Variants in ZNF790 observed in about 807,000 individuals in gnomAD.
ZNF790 encodes zinc finger protein 790.
A neutral mutation model predicts 12.1 loss-of-function variants in ZNF790; 8 were observed. That is an observed-to-expected ratio of 0.66 (90% CI 0.39 to 1.19). The LOEUF (loss-of-function observed/expected upper bound fraction) is 1.19. ZNF790 is among the 50% of genes most tolerant of loss of function. The probability of loss-of-function intolerance (pLI) is 0.01; values close to 1 mark genes in which losing one functional copy is unlikely to be tolerated. For synonymous variants in ZNF790, 252 were observed against 244.3 expected (o/e 1.03, Z -0.29); for missense variants, 707 against 752.2 (o/e 0.94, Z 0.70).
In ZNF790 at chr19:36,819,296, C is replaced by G. The variant is rs145064937; in HGVS notation, c.1048G>C (p.Gly350Arg). Residue 350 changes from glycine (G) to arginine (R), a missense_variant, in exon 5 of 5, where the codon GGA becomes CGA. Physicochemically the swap from Gly to Arg is moderately radical, Grantham distance 125. Transcript: ENST00000356725. Reference protein sequence around the residue: ...CKECGKAFTRGSHLTQHQRIH... With the variant: ...CKECGKAFTRRSHLTQHQRIH... ...CTCTGATGCTGAGTTAGGTGTGATC[C>G]ACGAGTAAAAGCTTTCCCACACTCC... The G allele has an allele frequency of 1.4e-4, 219 of 1,610,698 alleles. No homozygotes were observed. The African/African-American group carries it at 2.6e-3, about 19-fold the overall frequency.
chr19:36,831,668 A>G (rs1208425338), intron 1 of ZNF790, among the ~76,000 whole-genome samples: 1 of 152,234 alleles, frequency 6.6e-6, no homozygotes, highest in Admixed American at 6.5e-5. Flanking sequence ...ATTTGAAGAA[A>G]TGAAAATGAA....
rs866564260 is a variant in ZNF790, at chr19:36,827,117, T to C, written c.-73-1425A>G. ...GTGTGTGTGTGTATATATATACACATACACACACACACACACACACACACA... is the reference window on the plus strand; with the variant it reads ...GTGTGTGTGTGTATATATATACACACACACACACACACACACACACACACA... On this transcript the variant is annotated intron_variant, in intron 1 of 4. Coordinates refer to ENST00000356725, the MANE Select transcript of ZNF790 (RefSeq NM_206894.4). Among the ~76,000 whole-genome samples, 185 of 60,856 alleles carry C rather than the reference T, an allele frequency of 3.0e-3. 1 individual carries two copies. Among genetic ancestry groups the C allele is most frequent in the African/African-American group, 3.7e-3 (60 of 16,072 alleles). The allele number at this position is 60,856 out of a possible 152,430, so 39.9% of individuals were successfully genotyped here.
chr19:36,818,472 T>C lies in ZNF790; in HGVS notation c.1872A>G (p.Lys624=), dbSNP rs765729614. Residue 624 remains lysine, a synonymous_variant, in exon 5 of 5, where the codon AAA becomes AAG. Coordinates refer to ENST00000356725, the MANE Select transcript of ZNF790 (RefSeq NM_206894.4). The part of the protein sequence containing the change: ...EKSYEFKDFE[K]AFSSSSHFIS... ...TGAAGTGAGAGCTTGAAGAAAATGC[T>C]TTCTCAAAATCTTTAAATTCATAGG... The C allele has an allele frequency of 5.1e-6, 8 of 1,568,650 alleles. No homozygotes were observed. Among genetic ancestry groups the C allele is most frequent in the Non-Finnish European group, 6.9e-6 (8 of 1,155,316 alleles).
At chr19:36,840,528 CAT>C, upstream of ZNF790, among the ~76,000 whole-genome samples, 1 of 152,278 alleles carries the variant, frequency 6.6e-6, no homozygotes, top group East Asian at 1.9e-4. Flanking sequence ...GGGCTGGTCA[CAT>C]AGGCAGTCTG....
chr19:36,837,144 A>G (rs188729885), intron 1 of ZNF790, among the ~76,000 whole-genome samples: 2 of 152,360 alleles, frequency 1.3e-5, no homozygotes, highest in Non-Finnish European at 2.9e-5. Flanking sequence ...TTTCTAGTCA[A>G]CTGTCTTTTC....
At position 36,820,063 on chromosome 19, in the gene ZNF790, A is replaced by G. The variant is rs757215828; in HGVS notation, c.281T>C (p.Phe94Ser). Residue 94 changes from phenylalanine (F) to serine (S), a missense_variant, in exon 5 of 5, where the codon TTT (phenylalanine) becomes TCT (serine). By Grantham distance (155) the Phe-to-Ser change is radical (BLOSUM62 -2). Coordinates refer to ENST00000356725, the MANE Select transcript of ZNF790 (RefSeq NM_206894.4). ...TKKLLPKNGIFEREIAQLEIM... is the reference protein window; with the variant it reads ...TKKLLPKNGISEREIAQLEIM... ...TTCCAATTGGGCTATTTCTCTCTCA[A>G]AAATGCCATTTTTTGGTAATAACTT... 7 of 1,610,616 alleles carry G rather than the reference A, an allele frequency of 4.3e-6. No homozygotes were observed. The highest frequency in any genetic ancestry group is 2.7e-5 in the African/African-American group (2 of 74,926).
intron 1 of ZNF790, among the ~76,000 whole-genome samples, chr19:36,847,514 C>G (rs1165719330): frequency 6.6e-6 from 1 of 151,896 alleles, no homozygotes; most frequent in Non-Finnish European, 1.5e-5. Flanking sequence ...CTTTGGGAGG[C>G]CGAGGCGGGT....
chr19:36,823,252 TG>T, intron 4 of ZNF790, 32 bp downstream of exon 4: 1 of 1,573,362 alleles, frequency 6.4e-7, no homozygotes, highest in Non-Finnish European at 8.7e-7. Flanking sequence ...TCCACAACAA[TG>T]GCCTCCTTGT....
chr19:36,828,742 G>A (rs1225210465), intron 1 of ZNF790, among the ~76,000 whole-genome samples: 1 of 152,152 alleles, frequency 6.6e-6, no homozygotes, highest in Middle Eastern at 3.2e-3. Flanking sequence ...GCCTCCCAAA[G>A]TGCTGGAATT....
At chr19:36,842,117 C>T (rs1487062158), upstream of ZNF790, among the ~76,000 whole-genome samples, 1 of 152,166 alleles carries the variant, frequency 6.6e-6, no homozygotes, top group African/African-American at 2.4e-5. Context: ...AAAAGAACAA[C>T]TTGATATACT....
chr19:36,827,324 G>C (rs1461121100), intron 1 of ZNF790, among the ~76,000 whole-genome samples: 1 of 151,612 alleles, frequency 6.6e-6, no homozygotes, highest in African/African-American at 2.4e-5. Context: ...CCACCCATCC[G>C]TGCACAGGCG....
Position 36,846,272 on chromosome 19 carries a change from A to G in ZNF790, c.-74+3730T>C, listed in dbSNP as rs1386129949. 2.0e-5 allele frequency among the ~76,000 whole-genome samples: 3 copies of G among 152,258 alleles called. No homozygotes were observed. The South Asian group carries it at 6.2e-4, about 32-fold the overall frequency. On this transcript the variant is annotated intron_variant, in intron 1 of 4. Coordinates refer to the ZNF790 transcript ENST00000528994. ...AGCACCTGGCACAGATAAGGAGCTC[A>G]ATGAGGCCAGGCGCAGTGGCTCACG...
chr19:36,823,406 A>G, intron 3 of ZNF790, 26 bp from the exon 4 acceptor site: 1 of 1,603,952 alleles, frequency 6.2e-7, no homozygotes, highest in South Asian at 1.1e-5. Flanking sequence ...GAAACAGCAA[A>G]GAACCACATT....
At chr19:36,826,482 C>T (rs1386100841) in intron 1 of ZNF790, among the ~76,000 whole-genome samples, 3 of 151,108 alleles carry the variant, frequency 2.0e-5, no homozygotes, top group Non-Finnish European at 4.4e-5. Context: ...ATTCGGGAGG[C>T]TGAGGCAGGA....
At chr19:36,832,720 A>C (rs974203893) in intron 1 of ZNF790, among the ~76,000 whole-genome samples, 4 of 152,164 alleles carry the variant, frequency 2.6e-5, no homozygotes, top group Non-Finnish European at 4.4e-5. Context: ...TTAAGATAAT[A>C]AATATTTATT....
Position 36,818,775 on chromosome 19 carries a change from T to A in ZNF790, c.1569A>T (p.Arg523=). Residue 523 remains arginine, a synonymous_variant, in exon 5 of 5, where the codon CGA becomes CGT. Transcript: ENST00000356725. ...KAFLWGSQLT[R]HQRMHTGEEP... ...CCTCACCAGTATGCATTCTCTGATG[T>A]CGAGTAAGTTGTGAACCCCAGAGAA... 1.2e-6 allele frequency: 2 copies of A among 1,610,140 alleles called. No homozygotes were observed.
intron 1 of ZNF790, among the ~76,000 whole-genome samples, chr19:36,836,641 C>T (rs544624921): frequency 6.6e-6 from 1 of 151,656 alleles, no homozygotes; most frequent in Non-Finnish European, 1.5e-5. Flanking sequence ...CCTGTAGTCC[C>T]AGCTACTCGG....
chr19:36,827,141 C>CACACACATATATATATATATAT (rs1313807327), intron 1 of ZNF790, among the ~76,000 whole-genome samples: 2 of 84,444 alleles, frequency 2.4e-5, no homozygotes, highest in Admixed American at 1.4e-4. Flanking sequence ...CACACACACA[C>CACACACATATATATATATATAT]ATATATATAT....
rs1405217530 is a variant in ZNF790, at chr19:36,819,458, C to G, written c.886G>C (p.Asp296His). 6.2e-7 allele frequency: 1 copy of G among 1,610,050 alleles called. No individual in the cohort carries two copies. Among genetic ancestry groups the G allele is most frequent in the Non-Finnish European group, 8.5e-7 (1 of 1,177,762 alleles). The change falls in exon 5 of 5, where the codon GAT (aspartate) becomes CAT (histidine). Residue 296 changes from aspartate to histidine, a missense_variant. Transcript: ENST00000356725. ...ECGKAFSCGSDLTRHQRIHTG... is the reference protein window; with the variant it reads ...ECGKAFSCGSHLTRHQRIHTG... ...TGAATTCTCTGATGTCGAGTAAGAT[C>G]TGAGCCACAACTAAAGGCCTTCCCA...
Sources: allele counts gnomAD v4.1 joint callset (sites outside exome capture counted in the v4.1 genomes callset), GRCh38; gene constraint gnomAD v4.1.1; transcripts MANE v1.5; gene names NCBI Gene and HGNC (gene_info 2026-07-23, HGNC 2026-07-21).